The following ASCC3 variants were observed in gnomAD, a reference collection of about 807,000 sequenced individuals.
ASCC3 encodes the protein activating signal cointegrator 1 complex subunit 3.
In ASCC3, 158 loss-of-function variants were observed where a neutral mutation model predicts 256.3. The observed-to-expected ratio is 0.62, with a 90% CI of 0.54 to 0.70. The LOEUF (loss-of-function observed/expected upper bound fraction) is 0.70, where lower values mean the gene tolerates loss of function less well. Ranked by LOEUF, ASCC3 falls within the 30% of genes least tolerant of loss-of-function variation. The pLI is 0.00. For synonymous variants in ASCC3, 948 were observed against 883.4 expected (o/e 1.07, Z -1.30); for missense variants, 2,259 against 2,626.0 (o/e 0.86, Z 3.05).
At position 100,766,700 on chromosome 6, in the gene ASCC3, T is replaced by C. The variant is rs752254573; in HGVS notation, c.1602A>G (p.Val534=). 41 of 1,614,012 alleles carry C rather than the reference T, an allele frequency of 2.5e-5. No individual in the cohort carries two copies. Among genetic ancestry groups the C allele is most frequent in the Middle Eastern group, 1.7e-4 (1 of 6,058 alleles). ...CCAAGGCTTTCATTGGAGCAACATA[T>C]ACAATCTATACCAAAGGAACACTAG... is the stretch of plus-strand genomic sequence containing the variant. ...GVIKKNEFKI[V]YVAPMKALAA... is the part of the protein sequence containing the mutation. Residue 534 remains valine, a synonymous_variant, in exon 10 of 42, where the codon GTA becomes GTG. Transcript: ENST00000369162.
chr6:100,717,963 A>G, intron 12 of ASCC3, 112 bp downstream of exon 12: 1 of 970,978 alleles, frequency 1.0e-6, no homozygotes, highest in South Asian at 1.5e-5. Context: ...AGGCCATTTC[A>G]GTGGACACCA....
At chr6:100,717,271 A>G (rs1779129661) in intron 12 of ASCC3, among the ~76,000 whole-genome samples, 1 of 151,986 alleles carries the variant, frequency 6.6e-6, no homozygotes, top group African/African-American at 2.4e-5. Flanking sequence ...TTTACTAATG[A>G]AATTGTTTTT....
intron 36 of ASCC3, among the ~76,000 whole-genome samples, chr6:100,586,574 C>CT (rs1771699037): frequency 6.6e-6 from 1 of 152,142 alleles, no homozygotes; most frequent in African/African-American, 2.4e-5. Context: ...GGCTCACGCA[C>CT]GGTGTGCTGC....
intron 36 of ASCC3, among the ~76,000 whole-genome samples, chr6:100,580,860 A>G (rs1220431732): frequency 1.3e-5 from 2 of 151,202 alleles, no homozygotes; most frequent in African/African-American, 4.9e-5. Flanking sequence ...GCGATAGTTT[A>G]CTGAGAATGA....
Position 100,653,208 on chromosome 6 carries a change from A to G in ASCC3, c.2824-319T>C, listed in dbSNP as rs926914229. ...TTAAAAATCAAATTTTAAAAACTCA[A>G]TAATTGTCTTCTTTCTCCCATACTA... On this transcript the variant is annotated intron_variant, in intron 17 of 41. Transcript: ENST00000369162. 3.3e-5 allele frequency among the ~76,000 whole-genome samples: 5 copies of G among 152,220 alleles called. No individual in the cohort carries two copies. In the East Asian group the frequency reaches 5.8e-4, roughly 18 times the overall value.
At chr6:100,741,975 TG>T (rs1177741274) in intron 10 of ASCC3, among the ~76,000 whole-genome samples, 2 of 152,324 alleles carry the variant, frequency 1.3e-5, no homozygotes, top group East Asian at 3.9e-4. Flanking sequence ...ATTTTTGTGT[TG>T]GTTCTTTCTC....
In ASCC3 at chr6:100,874,391, G is replaced by A. The variant is rs572799847; in HGVS notation, c.-41-6353C>T. On this transcript the variant is annotated intron_variant, in intron 1 of 41. Coordinates refer to ENST00000369162, the MANE Select transcript of ASCC3 (RefSeq NM_006828.4). ...TGAGGCAGGAGAATCACTTCAACCC[G>A]GGAGGCAGAGGTTGCAGTGAGCAGA... Among the ~76,000 whole-genome samples, 7 of 150,308 alleles carry A rather than the reference G, an allele frequency of 4.7e-5. No individual in the cohort carries two copies. The South Asian group carries it at 8.5e-4, about 18-fold the overall frequency.
At chr6:100,578,499 A>T (rs138945792) in intron 36 of ASCC3, among the ~76,000 whole-genome samples, 2,442 of 152,128 alleles carry the variant, frequency 0.016, 65 homozygotes, top group African/African-American at 0.056. Context: ...GCTCCCATTT[A>T]TAAGTGAGAA....
chr6:100,806,005 T>C (rs1221085963), intron 4 of ASCC3, 125 bp from the exon 5 acceptor site: 3 of 887,006 alleles, frequency 3.4e-6, no homozygotes, highest in Non-Finnish European at 5.1e-6. Flanking sequence ...AAAAATTTAA[T>C]AAAAATGGTA....
chr6:100,799,508 C>G lies in ASCC3; in HGVS notation c.1192G>C (p.Glu398Gln). 1 of 1,613,036 alleles carries G rather than the reference C, an allele frequency of 6.2e-7. No individual in the cohort carries two copies. Among genetic ancestry groups the G allele is most frequent in the Non-Finnish European group, 8.5e-7 (1 of 1,179,474 alleles). ...TACACATGGGGATAATGTATTTTTT[C>G]AACGTCTGCATCTCTCTGCCTGCTC... ...ILSRQRDADV[E>Q]KIHYPHVYDS... The change falls in exon 7 of 42, where the codon GAA (glutamate) becomes CAA (glutamine). Residue 398 changes from glutamate to glutamine, a missense_variant. Glu to Gln is a conservative substitution (Grantham distance 29). Around this residue, in one of 2 missense-constraint regions of ASCC3, gnomAD observed 1,839 missense variants for 2,206.7 expected, o/e 0.83. Transcript: ENST00000369162.
intron 4 of ASCC3, among the ~76,000 whole-genome samples, 155 bp from the exon 5 acceptor site, chr6:100,806,035 A>T (rs2114365607): frequency 6.6e-6 from 1 of 152,082 alleles, no homozygotes; most frequent in African/African-American, 2.4e-5. Context: ...AAGAAAAATG[A>T]CTCTTCACAT....
intron 13 of ASCC3, among the ~76,000 whole-genome samples, chr6:100,692,211 T>C (rs1318144815): frequency 6.6e-6 from 1 of 152,096 alleles, no homozygotes; most frequent in African/African-American, 2.4e-5. Context: ...CTGGTATGAC[T>C]TTCTCTTTCT....
intron 24 of ASCC3, among the ~76,000 whole-genome samples, chr6:100,640,179 G>A (rs2114887320): frequency 6.6e-6 from 1 of 152,178 alleles, no homozygotes; most frequent in East Asian, 1.9e-4. Context: ...GCAAGTTAAT[G>A]CTTGTAATGC....
At chr6:100,720,219 T>C (rs1335153271) in intron 11 of ASCC3, among the ~76,000 whole-genome samples, 2 of 151,988 alleles carry the variant, frequency 1.3e-5, no homozygotes, top group African/African-American at 4.8e-5. Flanking sequence ...GAAGCTGAAT[T>C]CTAGTGAGGC....
chr6:100,697,250 T>C (rs962815424), intron 13 of ASCC3, among the ~76,000 whole-genome samples: 38 of 151,552 alleles, frequency 2.5e-4, no homozygotes, highest in African/African-American at 8.7e-4. Context: ...AAAAAAAAAA[T>C]AGTACCTAGT....
At chr6:100,528,491 C>T (rs150527581) in intron 37 of ASCC3, among the ~76,000 whole-genome samples, 93 of 152,266 alleles carry the variant, frequency 6.1e-4, no homozygotes, top group African/African-American at 2.2e-3. Flanking sequence ...TACTAGAACA[C>T]TGTGACATTA....
At chr6:100,856,812 GCAGT>G in intron 3 of ASCC3, 1 of 152,202 alleles carries the variant, frequency 6.6e-6, no homozygotes, top group Non-Finnish European at 1.5e-5. Context: ...CTGCTATAAG[GCAGT>G]CTACATACTA....
Position 100,532,335 on chromosome 6 carries a change from C to T in ASCC3, c.5775+7828G>A, listed in dbSNP as rs1414588357. On this transcript the variant is annotated intron_variant, in intron 37 of 41. Transcript: ENST00000369162. ...CTCATCAAAGCAGAATGCTATCTTG[C>T]GTGTGTGTGTGTGTGTGTGTGTGTG... Among the ~76,000 whole-genome samples, 73 of 99,794 alleles carry T rather than the reference C, an allele frequency of 7.3e-4. 1 individual carries two copies. Among genetic ancestry groups the T allele is most frequent in the Non-Finnish European group, 9.4e-4 (51 of 54,152 alleles). The allele number at this position is 99,794 out of a possible 152,430, so 65.5% of individuals were successfully genotyped here.
chr6:100,841,891 C>A (rs1258796638), intron 4 of ASCC3, among the ~76,000 whole-genome samples: 1 of 152,104 alleles, frequency 6.6e-6, no homozygotes, highest in Admixed American at 6.5e-5. Context: ...ATAAAAGAAG[C>A]TCTTCATTAG....
Sources: allele counts gnomAD v4.1 joint callset (sites outside exome capture counted in the v4.1 genomes callset), GRCh38; gene constraint gnomAD v4.1.1; regional missense constraint gnomAD v4.1.1; transcripts MANE v1.5; gene names NCBI Gene and HGNC (gene_info 2026-07-23, HGNC 2026-07-21).